RANBP17: variants seen among roughly 807,000 people sequenced by gnomAD.
The protein encoded by RANBP17 is RAN binding protein 17.
A neutral mutation model predicts 141.2 loss-of-function variants in RANBP17; 158 were observed. The ratio of observed to expected loss-of-function variants is 1.12; its 90% CI spans 0.98 to 1.28. The LOEUF (loss-of-function observed/expected upper bound fraction) is 1.28, where lower values mean the gene tolerates loss of function less well. Among genes scored for constraint, RANBP17 ranks in the 50% most tolerant of loss-of-function variants. RANBP17 has a pLI of 0.00. For missense variants in RANBP17, 1,438 were observed against 1,290.7 expected, an observed-to-expected ratio of 1.11 and a Z score of -1.75; for synonymous variants, 430 against 450.0, an observed-to-expected ratio of 0.96 and a Z score of 0.56.
chr5:171,202,870 A>G (rs923603140), intron 19 of RANBP17, among the ~76,000 whole-genome samples: 1 of 152,136 alleles, frequency 6.6e-6, no homozygotes, highest in African/African-American at 2.4e-5. Flanking sequence ...TTATGAGGAT[A>G]ATATTATAGC....
chr5:170,988,442 C>T (rs149200784), intron 14 of RANBP17, among the ~76,000 whole-genome samples: 110 of 150,940 alleles, frequency 7.3e-4, no homozygotes, highest in African/African-American at 2.6e-3. Context: ...GACTAAATAC[C>T]CAAATACCAA....
chr5:170,953,229 A>C (rs993825195), intron 12 of RANBP17, among the ~76,000 whole-genome samples: 1 of 152,096 alleles, frequency 6.6e-6, no homozygotes, highest in Non-Finnish European at 1.5e-5. Context: ...ATCTGGTCCT[A>C]GACAGTTTAG....
chr5:170,931,106 A>G (rs895716863), intron 12 of RANBP17, among the ~76,000 whole-genome samples: 1 of 152,072 alleles, frequency 6.6e-6, no homozygotes, highest in African/African-American at 2.4e-5. Flanking sequence ...TGCCATTCTA[A>G]CTGGTGTGAT....
chr5:170,970,050 G>A (rs747615263), intron 14 of RANBP17, among the ~76,000 whole-genome samples: 6 of 151,764 alleles, frequency 4.0e-5, no homozygotes, highest in Middle Eastern at 3.2e-3. Context: ...TATGTGTCCC[G>A]TCACTCTCCT....
intron 14 of RANBP17, among the ~76,000 whole-genome samples, chr5:171,152,257 A>C (rs1474129309): frequency 2.0e-5 from 3 of 151,860 alleles, no homozygotes; most frequent in African/African-American, 7.2e-5. Context: ...TACTAAAAAA[A>C]AAAAAGTAAA....
chr5:171,198,952 T>A (rs1762137936), intron 18 of RANBP17, among the ~76,000 whole-genome samples: 1 of 152,118 alleles, frequency 6.6e-6, no homozygotes. Flanking sequence ...ATATAAATTA[T>A]CAATTGTGCA....
At chr5:171,259,538 T>TA (rs1162591971) in intron 24 of RANBP17, among the ~76,000 whole-genome samples, 4 of 151,972 alleles carry the variant, frequency 2.6e-5, no homozygotes, top group Admixed American at 2.6e-4. Flanking sequence ...TGTTCAGCCA[T>TA]AAAAAAAGAA....
Position 171,190,350 on chromosome 5 carries a change from G to C in RANBP17, c.2038+6920G>C, listed in dbSNP as rs370906651. ...AGGGGGTGGTTGGCAATAAACAGTTGTACCATTTTATCGGATTGCTTTAGC... is the reference window on the plus strand; with the variant it reads ...AGGGGGTGGTTGGCAATAAACAGTTCTACCATTTTATCGGATTGCTTTAGC... On this transcript the variant is annotated intron_variant, in intron 18 of 27. Transcript: ENST00000523189. Among the ~76,000 whole-genome samples the C allele has an allele frequency of 5.3e-5, 8 of 152,270 alleles. No individual in the cohort carries two copies. The East Asian group carries it at 1.4e-3, about 26-fold the overall frequency.
chr5:171,228,150 T>C (rs1319271012), intron 22 of RANBP17, among the ~76,000 whole-genome samples: 1 of 152,226 alleles, frequency 6.6e-6, no homozygotes, highest in African/African-American at 2.4e-5. Context: ...TAGATAGTGA[T>C]TCCTCTGATG....
At chr5:171,290,895 T>A (rs1460784504) in intron 25 of RANBP17, among the ~76,000 whole-genome samples, 1 of 152,214 alleles carries the variant, frequency 6.6e-6, no homozygotes, top group Non-Finnish European at 1.5e-5. Flanking sequence ...AAGCACAGTA[T>A]CAAATGCTTG....
chr5:171,261,647 CA>C (rs1335308820), intron 24 of RANBP17, among the ~76,000 whole-genome samples: 1 of 152,158 alleles, frequency 6.6e-6, no homozygotes, highest in Non-Finnish European at 1.5e-5. Flanking sequence ...TTTTCAATGC[CA>C]AACAACAAGT....
intron 22 of RANBP17, among the ~76,000 whole-genome samples, chr5:171,235,752 C>T (rs1448483702): frequency 6.6e-6 from 1 of 151,956 alleles, no homozygotes; most frequent in African/African-American, 2.4e-5. Flanking sequence ...ATGATGCATG[C>T]CACTACACCT....
intron 22 of RANBP17, among the ~76,000 whole-genome samples, chr5:171,232,870 C>A (rs567801147): frequency 6.6e-6 from 1 of 152,238 alleles, no homozygotes; most frequent in African/African-American, 2.4e-5. Flanking sequence ...TTATTAATCG[C>A]CTTTAGCTGA....
At chr5:171,120,017 A>G (rs1755908897) in intron 14 of RANBP17, among the ~76,000 whole-genome samples, 1 of 147,100 alleles carries the variant, frequency 6.8e-6, no homozygotes, top group East Asian at 2.1e-4. Flanking sequence ...GGCCTGGGCA[A>G]CAAGAGCGAA....
intron 14 of RANBP17, among the ~76,000 whole-genome samples, chr5:171,083,392 C>T (rs534299130): frequency 6.6e-6 from 1 of 152,224 alleles, no homozygotes; most frequent in East Asian, 1.9e-4. Context: ...GGGCCCTCAC[C>T]AGACCTGACT....
intron 13 of RANBP17, among the ~76,000 whole-genome samples, chr5:170,967,897 A>C (rs1776701126): frequency 6.6e-6 from 1 of 151,752 alleles, no homozygotes; most frequent in Admixed American, 6.6e-5. Context: ...TTTACTAAAA[A>C]TTTATAGTAA....
chr5:171,026,703 C>G (rs1781255648), intron 14 of RANBP17, among the ~76,000 whole-genome samples: 1 of 152,066 alleles, frequency 6.6e-6, no homozygotes, highest in Non-Finnish European at 1.5e-5. Context: ...GAATTGTTTT[C>G]CAAAAGTTAC....
intron 14 of RANBP17, among the ~76,000 whole-genome samples, chr5:171,113,410 C>T (rs1755387669): frequency 2.0e-5 from 3 of 152,136 alleles, no homozygotes; most frequent in South Asian, 2.1e-4. Flanking sequence ...TTTAGTACCT[C>T]CTATGTTCCA....
chr5:171,071,399 C>T (rs1434804673), intron 14 of RANBP17, among the ~76,000 whole-genome samples: 1 of 151,808 alleles, frequency 6.6e-6, no homozygotes, highest in African/African-American at 2.4e-5. Context: ...GAAGAGCCCC[C>T]AAAATTTGAA....
Sources: allele counts gnomAD v4.1 joint callset (sites outside exome capture counted in the v4.1 genomes callset), GRCh38; gene constraint gnomAD v4.1.1; transcripts MANE v1.5; gene names NCBI Gene and HGNC (gene_info 2026-07-23, HGNC 2026-07-21).